RASA3: variants seen among roughly 807,000 people sequenced by gnomAD.
The protein encoded by RASA3 is ras GTPase-activating protein 3.
In RASA3, 73 loss-of-function variants were observed where a neutral mutation model predicts 110.0. The observed-to-expected ratio is 0.66, with a 90% CI of 0.55 to 0.81. The LOEUF is 0.81. Among genes scored for constraint, RASA3 ranks in the 30% least tolerant of loss-of-function variants. The pLI, the probability that RASA3 is intolerant of heterozygous loss-of-function variation, is 0.00. For missense variants in RASA3, 976 were observed against 1,113.2 expected, an observed-to-expected ratio of 0.88 and a Z score of 1.75; for synonymous variants, 500 against 451.4, an observed-to-expected ratio of 1.11 and a Z score of -1.37.
At chr13:114,079,938 G>C (rs1297316896) in intron 1 of RASA3, among the ~76,000 whole-genome samples, 1 of 152,178 alleles carries the variant, frequency 6.6e-6, no homozygotes, top group Non-Finnish European at 1.5e-5. Context: ...CGAGGCAGGG[G>C]ACACAGCGTC....
chr13:114,037,215 C>G (rs1005800520), intron 4 of RASA3, among the ~76,000 whole-genome samples: 5 of 152,168 alleles, frequency 3.3e-5, no homozygotes, highest in African/African-American at 1.2e-4. Context: ...CGTCTGAGTC[C>G]TGATCGTCAT....
In RASA3 at chr13:114,114,781, T is replaced by C. The variant is rs1376575936; in HGVS notation, c.55+17654A>G. 2.0e-5 allele frequency among the ~76,000 whole-genome samples: 3 copies of C among 152,214 alleles called. No individual in the cohort carries two copies. The highest frequency in any genetic ancestry group is 7.2e-5 in the African/African-American group (3 of 41,446). ...GCTCCCTCCAAAGCTTACTTGGCTT[T>C]GATTTTTCAACCACCCGCCCTCATG... On this transcript the variant is annotated intron_variant, in intron 1 of 23. Coordinates refer to ENST00000334062, the MANE Select transcript of RASA3 (RefSeq NM_007368.4). The surrounding 1 kb of genome is among the most constrained non-coding windows in gnomAD (Gnocchi z 4.8).
chr13:114,030,478 A>G (rs962346590), intron 4 of RASA3, among the ~76,000 whole-genome samples: 2,657 of 99,806 alleles, frequency 0.027, 162 homozygotes, highest in East Asian at 0.11. Flanking sequence ...CAAGGCTCAC[A>G]CAGAGGGCAA....
At chr13:114,067,818 T>C (rs2079479565) in intron 2 of RASA3, among the ~76,000 whole-genome samples, 1 of 152,286 alleles carries the variant, frequency 6.6e-6, no homozygotes, top group South Asian at 2.1e-4. Context: ...CTCGTCTGCC[T>C]GGGAAGACCC....
At chr13:114,020,453 G>T (rs1056531157) in intron 9 of RASA3, among the ~76,000 whole-genome samples, 2 of 152,196 alleles carry the variant, frequency 1.3e-5, no homozygotes, top group African/African-American at 4.8e-5. Flanking sequence ...GGGGGCCTGT[G>T]CCCGTGCCGT....
intron 4 of RASA3, among the ~76,000 whole-genome samples, chr13:114,039,800 G>A (rs1338265028): frequency 2.0e-5 from 3 of 152,226 alleles, no homozygotes; most frequent in African/African-American, 7.2e-5. Flanking sequence ...CAGCACTGGA[G>A]CCCCCGGTCT....
Position 114,043,071 on chromosome 13 carries a change from C to T in RASA3, c.278-1977G>A, listed in dbSNP as rs558963151. Among the ~76,000 whole-genome samples, 15 of 152,328 alleles carry T rather than the reference C, an allele frequency of 9.8e-5. No homozygotes were observed. The South Asian group carries it at 3.1e-3, about 32-fold the overall frequency. Reference sequence around the variant, plus strand: ...GCGAGACCTCTCAGCCTGACTGGTCCATTCCGTGACTAATCTCAGAGCCCG... The same window carrying T: ...GCGAGACCTCTCAGCCTGACTGGTCTATTCCGTGACTAATCTCAGAGCCCG... On this transcript the variant is annotated intron_variant, in intron 3 of 23. Transcript: ENST00000334062.
chr13:114,077,831 G>A, intron 1 of RASA3: 1 of 984,362 alleles, frequency 1.0e-6, no homozygotes, highest in Non-Finnish European at 1.2e-6. Flanking sequence ...TGTCATCTGG[G>A]GCTGAGACTC....
At position 113,979,214 on chromosome 13, in the gene RASA3, G is replaced by A. The variant is rs184616108; in HGVS notation, c.*133C>T. The A allele has an allele frequency of 2.1e-4, 180 of 864,586 alleles. 1 individual carries two copies. The highest frequency in any genetic ancestry group is 1.5e-4 in the Non-Finnish European group (79 of 537,170). 53.6% of individuals were successfully genotyped at this position (864,586 alleles called of 1,614,324 possible). A position where few individuals can be genotyped will look rare whatever the true frequency, so the allele number is the denominator to read the frequency against. ...GGTTCTGGGAGAGGGAAACCCCAGC[G>A]CCACTTGTCTATGGGCCGGGACGGC... is the stretch of plus-strand genomic sequence containing the variant. On this transcript the variant is annotated 3_prime_UTR_variant, in exon 24 of 24. Coordinates refer to ENST00000334062, the MANE Select transcript of RASA3 (RefSeq NM_007368.4).
chr13:114,107,312 C>T (rs942666396), intron 1 of RASA3, among the ~76,000 whole-genome samples: 28 of 132,222 alleles, frequency 2.1e-4, no homozygotes, highest in Admixed American at 1.1e-3. Context: ...TTGCGGGGGA[C>T]GGGCCTGTGT....
rs1485186294 is a variant in RASA3 at position 114,129,676 on chromosome 13, G to A, written c.55+2759C>T. 2.0e-5 allele frequency among the ~76,000 whole-genome samples: 3 copies of A among 152,248 alleles called. No homozygotes were observed. In the East Asian group the frequency reaches 5.8e-4, roughly 29 times the overall value. On this transcript the variant is annotated intron_variant, in intron 1 of 23. Coordinates refer to ENST00000334062, the MANE Select transcript of RASA3 (RefSeq NM_007368.4). Reference sequence around the variant, plus strand: ...TTTAGGGACAATTCTTGTTCTGGGAGTGAGGGGGCAGGGTGTTAACTTAAC... The same window carrying A: ...TTTAGGGACAATTCTTGTTCTGGGAATGAGGGGGCAGGGTGTTAACTTAAC...
At chr13:114,083,146 A>G (rs940233393) in intron 1 of RASA3, among the ~76,000 whole-genome samples, 5 of 152,242 alleles carry the variant, frequency 3.3e-5, no homozygotes, top group South Asian at 2.1e-4. Flanking sequence ...CGCTTCACTC[A>G]TTCATCAATG....
intron 2 of RASA3, among the ~76,000 whole-genome samples, chr13:114,061,533 T>C (rs1409945935): frequency 6.7e-6 from 1 of 150,236 alleles, no homozygotes; most frequent in Non-Finnish European, 1.5e-5. Flanking sequence ...AAAAAATTAC[T>C]GGGCATGGCG....
Position 114,009,463 on chromosome 13 carries a change from G to T in RASA3, c.1592C>A (p.Ala531Glu). Residue 531 changes from alanine to glutamate, a missense_variant and splice_region_variant, in exon 17 of 24, where the codon GCG (alanine) becomes GAG (glutamate). Ala to Glu is a moderately radical substitution (Grantham distance 107). Around this residue, in one of 4 missense-constraint regions of RASA3, gnomAD observed 732 missense variants for 779.7 expected, o/e 0.94. Coordinates refer to ENST00000334062, the MANE Select transcript of RASA3 (RefSeq NM_007368.4). ...TLGSLSKSKS[A>E]SFKESYMATF... Reference sequence around the variant, plus strand: ...AGCCATGTAGGACTCCTTAAAACTCGCCTAAAATGAAACGGAGATCACTCG... The same window carrying T: ...AGCCATGTAGGACTCCTTAAAACTCTCCTAAAATGAAACGGAGATCACTCG... 1 of 1,606,334 alleles carries T rather than the reference G, an allele frequency of 6.2e-7. No individual in the cohort carries two copies. The highest frequency in any genetic ancestry group is 1.1e-5 in the South Asian group (1 of 90,894).
chr13:114,016,333 G>A (rs991804242), intron 12 of RASA3, 62 bp from the exon 13 acceptor site: 5 of 1,268,232 alleles, frequency 3.9e-6, no homozygotes, highest in Non-Finnish European at 5.8e-6. Flanking sequence ...CAGGGAGGGT[G>A]GAAGGGGTCT....
Position 114,091,956 on chromosome 13 carries a change from T to C in RASA3, c.56-18119A>G, listed in dbSNP as rs79599636. 9.0e-3 allele frequency among the ~76,000 whole-genome samples: 1,366 copies of C among 152,262 alleles called. 24 individuals carry two copies. Among genetic ancestry groups the C allele is most frequent in the African/African-American group, 0.031 (1,297 of 41,546 alleles). On this transcript the variant is annotated intron_variant, in intron 1 of 23. Coordinates refer to ENST00000334062, the MANE Select transcript of RASA3 (RefSeq NM_007368.4). Reference sequence around the variant, plus strand: ...AAATTTCTCTAGGTTTTCTAATGTATTGGTGTATAGCTGTTCATAATAGTC... The same window carrying C: ...AAATTTCTCTAGGTTTTCTAATGTACTGGTGTATAGCTGTTCATAATAGTC...
chr13:114,067,454 G>A (rs547968912), intron 2 of RASA3, among the ~76,000 whole-genome samples: 14 of 152,196 alleles, frequency 9.2e-5, no homozygotes, highest in South Asian at 2.1e-4. Context: ...TGTCAAAGTC[G>A]GTGTTTCCTA....
intron 21 of RASA3, among the ~76,000 whole-genome samples, chr13:113,994,719 CCAG>C (rs1387867285): frequency 6.6e-6 from 1 of 152,174 alleles, no homozygotes; most frequent in Non-Finnish European, 1.5e-5. Flanking sequence ...GCCTGTAATC[CCAG>C]CTACTTGGGA....
chr13:114,060,480 G>A lies in RASA3; in HGVS notation c.174-8325C>T, dbSNP rs112953960. ...GGGCTTTCTGCAAGCAAGGTGCAGCGGTCAGCCCGAGAGGCCACGGTGCCG... is the reference window on the plus strand; with the variant it reads ...GGGCTTTCTGCAAGCAAGGTGCAGCAGTCAGCCCGAGAGGCCACGGTGCCG... On this transcript the variant is annotated intron_variant, in intron 2 of 23. Coordinates refer to ENST00000334062, the MANE Select transcript of RASA3 (RefSeq NM_007368.4). Among the ~76,000 whole-genome samples, 279 of 152,302 alleles carry A rather than the reference G, an allele frequency of 1.8e-3. 3 individuals are homozygous for A. The highest frequency in any genetic ancestry group is 6.5e-3 in the African/African-American group (270 of 41,570).
Sources: gnomAD v4.1 joint callset for allele counts (sites outside exome capture counted in the v4.1 genomes callset) on GRCh38, gnomAD v4.1.1 for gene constraint, gnomAD v4.1.1 regional missense constraint, Gnocchi (gnomAD v3.1) non-coding constraint, MANE v1.5 for transcripts, NCBI Gene and HGNC (gene_info 2026-07-23, HGNC 2026-07-21) for gene names.